Variants in SOS1 observed in about 807,000 individuals in gnomAD.
SOS1 encodes the protein SOS Ras/Rac guanine nucleotide exchange factor 1, also known as son of sevenless homolog 1.
SOS1 carries 25 observed loss-of-function variants against 157.6 expected under a neutral mutation model. The observed-to-expected ratio is 0.16, with a 90% confidence interval of 0.12 to 0.22. SOS1 has a LOEUF of 0.22. Ranked by LOEUF, SOS1 falls within the 10% of genes least tolerant of loss-of-function variation. The probability of loss-of-function intolerance (pLI) is 1.00; values close to 1 mark genes in which losing one functional copy is unlikely to be tolerated. For missense variants in SOS1, 1,237 were observed against 1,599.1 expected (o/e 0.77, Z 3.86); for synonymous variants, 528 against 534.0 (o/e 0.99, Z 0.16).
intron 8 of SOS1, among the ~76,000 whole-genome samples, chr2:39,030,324 G>A (rs890946658): frequency 1.3e-5 from 2 of 151,654 alleles, no homozygotes; most frequent in African/African-American, 4.8e-5. Context: ...AGCACTTTCG[G>A]AGGCCAATGT....
intron 1 of SOS1, 62 bp from the exon 2 acceptor site, chr2:39,067,815 A>G: frequency 6.7e-7 from 1 of 1,498,374 alleles, no homozygotes. Flanking sequence ...AATTTTTAAA[A>G]CTTTAAAAAA....
chr2:38,996,879 T>C lies in SOS1; in HGVS notation c.3081+43A>G, dbSNP rs753792916. The C allele has an allele frequency of 3.2e-6, 3 of 946,994 alleles. No individual in the cohort carries two copies. The Admixed American group carries it at 5.1e-5, about 16-fold the overall frequency. The allele number at this position is 946,994 out of a possible 1,614,324, so 58.7% of individuals were successfully genotyped here. A position where few individuals can be genotyped will look rare whatever the true frequency, so the allele number is the denominator to read the frequency against. Reference sequence around the variant, plus strand: ...CCTTTATGGAAAACTATATAACACATATGGTAGTAATGACATCACCAGACA... The same window carrying C: ...CCTTTATGGAAAACTATATAACACACATGGTAGTAATGACATCACCAGACA... On this transcript the variant is annotated intron_variant, in intron 19 of 22. Coordinates refer to ENST00000402219, the MANE Select transcript of SOS1 (RefSeq NM_005633.4).
intron 6 of SOS1, among the ~76,000 whole-genome samples, chr2:39,048,380 G>C (rs759011303): frequency 6.6e-6 from 1 of 151,764 alleles, no homozygotes; most frequent in Non-Finnish European, 1.5e-5. Flanking sequence ...AAAATATTTT[G>C]TCTTAACAGC....
At chr2:39,002,313 G>T (rs1669129540) in intron 17 of SOS1, among the ~76,000 whole-genome samples, 1 of 151,494 alleles carries the variant, frequency 6.6e-6, no homozygotes, top group African/African-American at 2.4e-5. Flanking sequence ...CAACAAAAGT[G>T]AAACTGTCTT....
intron 10 of SOS1, among the ~76,000 whole-genome samples, chr2:39,018,876 T>C (rs545686955): frequency 1.3e-4 from 19 of 151,860 alleles, no homozygotes; most frequent in Non-Finnish European, 1.6e-4. Context: ...CTTGAATTCC[T>C]TAAAAAAGGA....
At chr2:39,012,801 G>A (rs891675478) in intron 13 of SOS1, among the ~76,000 whole-genome samples, 19 of 152,064 alleles carry the variant, frequency 1.2e-4, no homozygotes, top group Non-Finnish European at 8.8e-5. Flanking sequence ...TGATTCCTTA[G>A]TGTGAGTTTT....
chr2:38,989,139 C>T, intron 21 of SOS1, 131 bp downstream of exon 21: 1 of 660,250 alleles, frequency 1.5e-6, no homozygotes, highest in South Asian at 1.8e-5. Flanking sequence ...GTGAAGGCCT[C>T]ACTTCTAGGA....
chr2:39,042,712 ATTTTTTTT>A (rs200188697), intron 6 of SOS1, among the ~76,000 whole-genome samples: 3 of 132,648 alleles, frequency 2.3e-5, no homozygotes, highest in Non-Finnish European at 4.9e-5. Flanking sequence ...TAATTTTATG[ATTTTTTTT>A]TTTTTTTTTT....
chr2:39,053,050 G>A (rs1235424862), intron 5 of SOS1, among the ~76,000 whole-genome samples: 4 of 152,158 alleles, frequency 2.6e-5, no homozygotes, highest in Admixed American at 2.0e-4. Context: ...CTACACGGGA[G>A]GCTGAGGCAG....
intron 3 of SOS1, 25 bp from the exon 4 acceptor site, chr2:39,056,891 T>A: frequency 6.6e-7 from 1 of 1,514,996 alleles, no homozygotes. Flanking sequence ...GAAAAGCATG[T>A]TTAAACATCA....
chr2:39,094,084 C>T lies in SOS1; in HGVS notation c.87+26252G>A, dbSNP rs913494129. On this transcript the variant is annotated intron_variant, in intron 1 of 22. Transcript: ENST00000402219. The stretch of plus-strand genomic sequence containing the variant: ...AGAAACAGAAAATGAGAATCCAGAT[C>T]GTACTATTAAGAGATTTGCAAAAAA... Among the ~76,000 whole-genome samples the T allele has an allele frequency of 4.6e-5, 7 of 152,058 alleles. No individual in the cohort carries two copies. The South Asian group carries it at 1.2e-3, about 27-fold the overall frequency.
chr2:39,043,682 G>A (rs187557049), intron 6 of SOS1, among the ~76,000 whole-genome samples: 11 of 152,282 alleles, frequency 7.2e-5, no homozygotes, highest in Admixed American at 6.5e-4. Flanking sequence ...GAGTCCTGAC[G>A]CGGTGCAGGG....
chr2:38,985,052 CAGTT>C lies in SOS1; in HGVS notation c.*768_*771del, dbSNP rs1235017062. 2 of 152,094 alleles carry C rather than the reference CAGTT, an allele frequency of 1.3e-5. No individual in the cohort carries two copies. Among genetic ancestry groups the C allele is most frequent in the South Asian group, 2.1e-4 (1 of 4,824 alleles). 9.4% of individuals were successfully genotyped at this position (152,094 alleles called of 1,614,324 possible). On this transcript the variant is annotated 3_prime_UTR_variant, in exon 23 of 23. Transcript: ENST00000402219. The stretch of plus-strand genomic sequence containing the variant: ...TCCTAAATGCAAATAGAATAGTTGA[CAGTT>C]ATTTTTTTTTAAAAAGTTCTTCTGT...
intron 6 of SOS1, among the ~76,000 whole-genome samples, chr2:39,041,257 A>G (rs1358179142): frequency 6.6e-6 from 1 of 152,092 alleles, no homozygotes; most frequent in Non-Finnish European, 1.5e-5. Flanking sequence ...GGGTCTCACT[A>G]TGTTGCTCAG....
chr2:39,107,662 A>AG (rs1673250153), intron 1 of SOS1, among the ~76,000 whole-genome samples: 1 of 138,742 alleles, frequency 7.2e-6, no homozygotes. Context: ...CACACTAAAA[A>AG]GAAAAAAAAA....
At position 39,075,714 on chromosome 2, in the gene SOS1, T is replaced by A. The variant is rs150080931; in HGVS notation, c.88-7961A>T. ...ACTTTGAAAAGTACTAATAGAAAAA[T>A]TGCTAAAAGATCAAGAAAAAAGAGA... On this transcript the variant is annotated intron_variant, in intron 1 of 22. Transcript: ENST00000402219. Among the ~76,000 whole-genome samples, 950 of 150,008 alleles carry A rather than the reference T, an allele frequency of 6.3e-3. 5 individuals carry two copies. The highest frequency in any genetic ancestry group is 0.011 in the Non-Finnish European group (733 of 67,110).
At chr2:38,997,489 A>G (rs1277793401) in intron 17 of SOS1, 64 bp from the exon 18 acceptor site, 1 of 1,178,306 alleles carries the variant, frequency 8.5e-7, no homozygotes, top group Non-Finnish European at 1.3e-6. Context: ...TTTCTGTTTC[A>G]TTAATTGTGG....
intron 1 of SOS1, among the ~76,000 whole-genome samples, chr2:39,089,081 TACAAA>T (rs772862230): frequency 1.1e-4 from 16 of 152,178 alleles, no homozygotes; most frequent in Non-Finnish European, 2.2e-4. Context: ...AGTGTGCCTT[TACAAA>T]ACAAAACAAA....
intron 17 of SOS1, among the ~76,000 whole-genome samples, chr2:39,005,427 A>G (rs143915748): frequency 2.0e-5 from 3 of 152,216 alleles, no homozygotes; most frequent in Non-Finnish European, 2.9e-5. Context: ...ATCACAGGGT[A>G]ATGGTTAAAA....
Sources: allele counts gnomAD v4.1 joint callset (sites outside exome capture counted in the v4.1 genomes callset), GRCh38; gene constraint gnomAD v4.1.1; transcripts MANE v1.5; gene names NCBI Gene and HGNC (gene_info 2026-07-23, HGNC 2026-07-21).